Variants in RNMT observed in about 807,000 individuals in gnomAD.
RNMT encodes RNA guanine-7 methyltransferase.
A neutral mutation model predicts 56.0 loss-of-function variants in RNMT; 27 were observed. The ratio of observed to expected loss-of-function variants is 0.48; its 90% CI spans 0.36 to 0.67. The LOEUF (loss-of-function observed/expected upper bound fraction) is 0.67, where lower values mean the gene tolerates loss of function less well. Ranked by LOEUF, RNMT falls within the 30% of genes least tolerant of loss-of-function variation. The pLI, the probability that RNMT is intolerant of heterozygous loss-of-function variation, is 0.00. For synonymous variants in RNMT, 184 were observed against 176.2 expected, an observed-to-expected ratio of 1.04 and a Z score of -0.35; for missense variants, 519 against 552.1, an observed-to-expected ratio of 0.94 and a Z score of 0.60.
chr18:13,738,362 G>A (rs897867923), intron 5 of RNMT, among the ~76,000 whole-genome samples: 1 of 152,100 alleles, frequency 6.6e-6, no homozygotes, highest in Non-Finnish European at 1.5e-5. Flanking sequence ...GGAGACAACT[G>A]GATTCTCACA....
chr18:13,732,951 T>C (rs2044098147), intron 3 of RNMT, among the ~76,000 whole-genome samples: 1 of 151,860 alleles, frequency 6.6e-6, no homozygotes, highest in Non-Finnish European at 1.5e-5. Flanking sequence ...TTAGTACAGA[T>C]GGGATTTCAC....
chr18:13,757,415 C>A (rs1377231940), intron 11 of RNMT, among the ~76,000 whole-genome samples: 1 of 152,122 alleles, frequency 6.6e-6, no homozygotes, highest in Non-Finnish European at 1.5e-5. Context: ...CCTCTGAAAC[C>A]CTACTGGTCT....
rs2044460931 is a variant in RNMT, at chr18:13,752,203, T to C, written c.1258-123T>C. The C allele has an allele frequency of 1.3e-5, 8 of 634,098 alleles. No homozygotes were observed. In the East Asian group the frequency reaches 1.9e-4, roughly 15 times the overall value. The allele number at this position is 634,098 out of a possible 1,614,324, so 39.3% of individuals were successfully genotyped here. On this transcript the variant is annotated intron_variant, in intron 9 of 11. Transcript: ENST00000383314. The stretch of plus-strand genomic sequence containing the variant: ...CTGTATTTCAAAAGTATGTATAGTT[T>C]GTATTCCTGAAGTAGTACTTACGGA...
chr18:13,745,698 T>C (rs1291762805), intron 8 of RNMT, among the ~76,000 whole-genome samples: 1 of 138,458 alleles, frequency 7.2e-6, no homozygotes, highest in Non-Finnish European at 1.7e-5. Flanking sequence ...TGAGTAGGGC[T>C]CTGGACTGTA....
Position 13,760,981 on chromosome 18 carries a change from C to T in RNMT, c.*1002C>T. 1.0e-6 allele frequency: 1 copy of T among 985,404 alleles called. No homozygotes were observed. The highest frequency in any genetic ancestry group is 1.2e-6 in the Non-Finnish European group (1 of 829,912). The allele number at this position is 985,404 out of a possible 1,614,324, so 61.0% of individuals were successfully genotyped here. On this transcript the variant is annotated 3_prime_UTR_variant, in exon 12 of 12. Coordinates refer to ENST00000383314, the MANE Select transcript of RNMT (RefSeq NM_003799.3). ...GTGAACTGTTGTCCTTGCTTTACAC[C>T]ACCATTTGGAAAACTTACCAGTTTT... is the stretch of plus-strand genomic sequence containing the variant.
At chr18:13,742,337 T>TAAA in intron 7 of RNMT, 151 bp from the exon 8 acceptor site, 29 of 500,936 alleles carry the variant, frequency 5.8e-5, no homozygotes, top group Admixed American at 8.8e-5. Context: ...CTTGTCACTT[T>TAAA]AAAAAAAAAA....
intron 11 of RNMT, 151 bp from the exon 12 acceptor site, chr18:13,759,791 A>G (rs781509687): frequency 4.8e-6 from 3 of 626,728 alleles, no homozygotes; most frequent in East Asian, 2.8e-5. Flanking sequence ...AAATGATTCA[A>G]ATAATAGAGG....
chr18:13,735,213 T>TA (rs1302504953), intron 4 of RNMT, among the ~76,000 whole-genome samples: 3 of 152,148 alleles, frequency 2.0e-5, no homozygotes. Flanking sequence ...TTTTTCATAA[T>TA]AAAGATTTTT....
chr18:13,754,141 G>C lies in RNMT; in HGVS notation c.1387G>C (p.Ala463Pro). The C allele has an allele frequency of 6.4e-7, 1 of 1,565,432 alleles. No individual in the cohort carries two copies. The highest frequency in any genetic ancestry group is 8.8e-7 in the Non-Finnish European group (1 of 1,137,646). ...LGTLSKSEWE[A>P]TSIYLVFAFE... ...AACCTTAAGTAAATCAGAATGGGAA[G>C]CTACAAGTGAGTATATCATCAGCAT... The change falls in exon 11 of 12, where the codon GCT (alanine) becomes CCT (proline). Residue 463 changes from alanine to proline, a missense_variant. By Grantham distance (27) the Ala-to-Pro change is conservative (BLOSUM62 -1). Coordinates refer to ENST00000383314, the MANE Select transcript of RNMT (RefSeq NM_003799.3).
rs1468689965 is a variant in RNMT at position 13,761,401 on chromosome 18, T to C, written c.*1422T>C. 6.1e-6 allele frequency: 6 copies of C among 985,498 alleles called. No homozygotes were observed. Among genetic ancestry groups the C allele is most frequent in the African/African-American group, 1.7e-5 (1 of 57,382 alleles). 61.0% of individuals were successfully genotyped at this position (985,498 alleles called of 1,614,324 possible). A position where few individuals can be genotyped will look rare whatever the true frequency, so the allele number is the denominator to read the frequency against. On this transcript the variant is annotated 3_prime_UTR_variant, in exon 12 of 12. Coordinates refer to ENST00000383314, the MANE Select transcript of RNMT (RefSeq NM_003799.3). ...GGAAAGGAAGTCTTCCTGTCACATATGCAGGTTCGTTTTCATTCTAGGGCA... is the reference window on the plus strand; with the variant it reads ...GGAAAGGAAGTCTTCCTGTCACATACGCAGGTTCGTTTTCATTCTAGGGCA...
chr18:13,744,847 C>G lies in RNMT; in HGVS notation c.1140-1373C>G, dbSNP rs556179585. On this transcript the variant is annotated intron_variant, in intron 8 of 11. Transcript: ENST00000383314. ...GCTGCCTGAAGTCATCTCCAGGCTC[C>G]CTCTTGTTGTCTACAGATACATGAT... 3.9e-5 allele frequency among the ~76,000 whole-genome samples: 6 copies of G among 152,266 alleles called. No homozygotes were observed. In the East Asian group the frequency reaches 1.2e-3, roughly 29 times the overall value.
intron 6 of RNMT, among the ~76,000 whole-genome samples, chr18:13,740,615 T>G (rs2044236773): frequency 6.6e-6 from 1 of 152,202 alleles, no homozygotes; most frequent in South Asian, 2.1e-4. Flanking sequence ...TGAGCCCAGG[T>G]GATCTGCCTG....
At chr18:13,733,309 G>C (rs1293481949) in intron 3 of RNMT, among the ~76,000 whole-genome samples, 1 of 151,930 alleles carries the variant, frequency 6.6e-6, no homozygotes, top group Admixed American at 6.6e-5. Context: ...GAAAACTGTT[G>C]GGTTACATGT....
chr18:13,746,331 C>T lies in RNMT; in HGVS notation c.1251C>T (p.Ala417=), dbSNP rs2044352254. Residue 417 remains alanine (A), a synonymous_variant, in exon 9 of 12, where the codon GCC becomes GCT. Transcript: ENST00000383314. ...ENKMLLKRMQ[A]LEPYPANESS... Reference sequence around the variant, plus strand: ...AAATGCTCTTAAAACGAATGCAGGCCTTGGAGGTGAGTATTTAGAAAAGAT... The same window carrying T: ...AAATGCTCTTAAAACGAATGCAGGCTTTGGAGGTGAGTATTTAGAAAAGAT... 1 of 1,501,376 alleles carries T rather than the reference C, an allele frequency of 6.7e-7. No individual in the cohort carries two copies. The highest frequency in any genetic ancestry group is 2.0e-5 in the Admixed American group (1 of 50,988). 93.0% of individuals were successfully genotyped at this position (1,501,376 alleles called of 1,614,324 possible). A position where few individuals can be genotyped will look rare whatever the true frequency, so the allele number is the denominator to read the frequency against.
intron 9 of RNMT, among the ~76,000 whole-genome samples, chr18:13,751,051 A>G (rs1011884730): frequency 2.0e-5 from 3 of 152,206 alleles, no homozygotes; most frequent in Non-Finnish European, 4.4e-5. Flanking sequence ...GGACATAGGC[A>G]TGGGCAAAGA....
At position 13,746,228 on chromosome 18, in the gene RNMT, AG is replaced by A. The variant is rs1379880914; in HGVS notation, c.1149del (p.Lys384SerfsTer4). On this transcript the variant is annotated frameshift_variant, in exon 9 of 12. Coordinates refer to ENST00000383314, the MANE Select transcript of RNMT (RefSeq NM_003799.3). LOFTEE classifies it high-confidence loss of function. ...VYFPLLNEMA[K>X]KYNMKLVYKK... ...TATTCTTTTTTGGACAGAATGGCAA[AG>A]AAGTACAATATGAAACTAGTCTACA... 6.8e-7 allele frequency: 1 copy of A among 1,479,454 alleles called. No individual in the cohort carries two copies. The highest frequency in any genetic ancestry group is 2.3e-5 in the East Asian group (1 of 43,990). 91.6% of individuals were successfully genotyped at this position (1,479,454 alleles called of 1,614,324 possible).
At chr18:13,754,240 C>A in intron 11 of RNMT, 93 bp downstream of exon 11, 1 of 788,900 alleles carries the variant, frequency 1.3e-6, no homozygotes, top group Non-Finnish European at 2.1e-6. Context: ...GGCACTGTGG[C>A]TCACACCAGT....
intron 4 of RNMT, among the ~76,000 whole-genome samples, chr18:13,735,615 CA>C (rs1468176336): frequency 1.3e-5 from 2 of 151,724 alleles, no homozygotes; most frequent in African/African-American, 2.4e-5. Context: ...TCATTACCCT[CA>C]ATGATGCAGA....
chr18:13,748,385 G>A (rs1306675051), intron 9 of RNMT, among the ~76,000 whole-genome samples: 2 of 152,176 alleles, frequency 1.3e-5, no homozygotes, highest in Non-Finnish European at 2.9e-5. Flanking sequence ...AAAGGACTTG[G>A]AGCAGGAAAG....
Sources: gnomAD v4.1 joint callset for allele counts (sites outside exome capture counted in the v4.1 genomes callset) on GRCh38, gnomAD v4.1.1 for gene constraint, MANE v1.5 for transcripts, NCBI Gene and HGNC (gene_info 2026-07-23, HGNC 2026-07-21) for gene names.